The following VPS11 variants were observed in gnomAD, a reference collection of about 807,000 sequenced individuals.
VPS11 encodes VPS11 core subunit of CORVET and HOPS complexes.
Under a neutral mutation model 106.8 loss-of-function variants are expected in VPS11, and 51 were observed. That is an observed-to-expected ratio of 0.48 (90% CI 0.38 to 0.60). The LOEUF is 0.60. Among genes scored for constraint, VPS11 ranks in the 20% least tolerant of loss-of-function variants. The pLI, the probability that VPS11 is intolerant of heterozygous loss-of-function variation, is 0.00. For missense variants in VPS11, 950 were observed against 1,190.0 expected (o/e 0.80, Z 2.97); for synonymous variants, 453 against 458.7 (o/e 0.99, Z 0.16).
chr11:119,081,020 C>CT, intron 14 of VPS11, 72 bp from the exon 15 acceptor site: 1 of 1,422,988 alleles, frequency 7.0e-7, no homozygotes, highest in East Asian at 2.3e-5. Context: ...CTTCAGCTGC[C>CT]TTCTTTCTCA....
At chr11:119,076,725 C>T in intron 7 of VPS11, 172 bp from the exon 8 acceptor site, 1 of 753,590 alleles carries the variant, frequency 1.3e-6, no homozygotes. Flanking sequence ...GGTCCACAGT[C>T]TAGTAGCACC....
intron 9 of VPS11, 36 bp downstream of exon 9, chr11:119,077,683 G>T: frequency 6.4e-7 from 1 of 1,560,340 alleles, no homozygotes. Flanking sequence ...AAGAGACAGG[G>T]TCTCACTATG....
chr11:119,074,241 C>T (rs1407410264), intron 7 of VPS11, among the ~76,000 whole-genome samples: 1 of 151,966 alleles, frequency 6.6e-6, no homozygotes, highest in Non-Finnish European at 1.5e-5. Flanking sequence ...CGTGCCACCA[C>T]ACCTGGCTAA....
At position 119,078,324 on chromosome 11, in the gene VPS11, A is replaced by G; in HGVS notation, c.1913A>G (p.Lys638Arg). Residue 638 changes from lysine to arginine, a missense_variant, in exon 11 of 16, where the codon AAG becomes AGG. This residue lies in a region of VPS11 where 453 missense variants were observed against 514.6 expected (regional missense o/e 0.88). Transcript: ENST00000621676. ...CGACTGCAGAACTGGGCCCACGAGAAGGATCCACAGGTGAGGCCTGGCCAG... is the reference window on the plus strand; with the variant it reads ...CGACTGCAGAACTGGGCCCACGAGAGGGATCCACAGGTGAGGCCTGGCCAG... Reference protein sequence around the residue: ...ELRLQNWAHEKDPQVKEKLHA... With the variant: ...ELRLQNWAHERDPQVKEKLHA... 1 of 1,610,666 alleles carries G rather than the reference A, an allele frequency of 6.2e-7. No individual in the cohort carries two copies. The highest frequency in any genetic ancestry group is 1.1e-5 in the South Asian group (1 of 91,076).
chr11:119,070,595 G>C lies in VPS11; in HGVS notation c.636+198G>C, dbSNP rs567753375. ...TTAGACTCTGGGCTTGTAGTAAAAA[G>C]ATGTGAATTTTCTTTCTTTTTTTTT... On this transcript the variant is annotated intron_variant, in intron 4 of 15. Coordinates refer to ENST00000621676, the MANE Select transcript of VPS11 (RefSeq NM_021729.6). 1.0e-4 allele frequency: 49 copies of C among 474,006 alleles called. No individual in the cohort carries two copies. The East Asian group carries it at 1.8e-3, about 17-fold the overall frequency. The allele number at this position is 474,006 out of a possible 1,614,324, so 29.4% of individuals were successfully genotyped here.
In VPS11 at chr11:119,067,827, G is replaced by A; in HGVS notation, c.4G>A (p.Ala2Thr). ...GAGGTGGGAGCCCTGGGCCAAAATG[G>A]CGGCCTACCTGCAGTGGCGGCGCTT... The part of the protein sequence containing the change: M[A>T]AYLQWRRFVF... The change falls in exon 1 of 16, where the codon GCG becomes ACG. Residue 2 changes from alanine (A) to threonine (T), a missense_variant. Transcript: ENST00000621676. The A allele has an allele frequency of 1.3e-6, 2 of 1,541,920 alleles. No individual in the cohort carries two copies. Among genetic ancestry groups the A allele is most frequent in the Non-Finnish European group, 1.8e-6 (2 of 1,140,166 alleles).
intron 3 of VPS11, 65 bp downstream of exon 3, chr11:119,069,642 C>G: frequency 6.2e-7 from 1 of 1,606,702 alleles, no homozygotes. Flanking sequence ...TTGCTTCTGC[C>G]TCTCATCTTT....
rs1945646227 is a variant in VPS11, at chr11:119,077,002, G to A, written c.1344G>A (p.Leu448=). 1.2e-6 allele frequency: 2 copies of A among 1,613,888 alleles called. No individual in the cohort carries two copies. Among genetic ancestry groups the A allele is most frequent in the Non-Finnish European group, 1.7e-6 (2 of 1,179,862 alleles). ...TGCAGACCCTGCACCGACAATCCCT[G>A]GCCAATGCCGACCATACCACCCTGC... ...AYLQTLHRQS[L]ANADHTTLLL... is the part of the protein sequence containing the mutation. Residue 448 remains leucine, a synonymous_variant, in exon 8 of 16, where the codon CTG becomes CTA. Transcript: ENST00000621676.
rs782071691 is a variant in VPS11 at position 119,071,808 on chromosome 11, T to A, written c.849T>A (p.Leu283=). 3 of 1,613,826 alleles carry A rather than the reference T, an allele frequency of 1.9e-6. No individual in the cohort carries two copies. Among genetic ancestry groups the A allele is most frequent in the East Asian group, 2.2e-5 (1 of 44,872 alleles). The part of the protein sequence containing the change: ...KLIAHWFRGY[L]IIVSRDRKVS... ...TTGCCCACTGGTTTAGAGGCTACCT[T>A]ATCATTGTCTCCCGTGACCGGAAGG... The change falls in exon 5 of 16, where the codon CTT becomes CTA. Residue 283 remains leucine (L), a synonymous_variant. Coordinates refer to ENST00000621676, the MANE Select transcript of VPS11 (RefSeq NM_021729.6).
intron 1 of VPS11, 132 bp from the exon 2 acceptor site, chr11:119,069,062 ACT>A (rs1945262509): frequency 1.1e-6 from 1 of 934,440 alleles, no homozygotes; most frequent in Admixed American, 3.0e-5. Context: ...GCCTGGCCTC[ACT>A]CTTTTTAAGA....
In VPS11 at chr11:119,077,493, C is replaced by T; in HGVS notation, c.1426-8C>T. 1 of 1,612,642 alleles carries T rather than the reference C, an allele frequency of 6.2e-7. No homozygotes were observed. The highest frequency in any genetic ancestry group is 1.3e-5 in the African/African-American group (1 of 74,996). ...TGTAAATGATTTTGTCTCATGTCTC[C>T]CTGGCAGAAAAAGAGTGAGAGTGAA... is the stretch of plus-strand genomic sequence containing the variant. On this transcript the variant is annotated splice_region_variant and splice_polypyrimidine_tract_variant and intron_variant, in intron 8 of 15. Coordinates refer to ENST00000621676, the MANE Select transcript of VPS11 (RefSeq NM_021729.6).
rs1945208004 is a variant in VPS11, at chr11:119,068,443, C to CTTTTTTTTTTTTTTTTTTTTTTTTTTTTT, written c.187+433_187+434insTTTTTTTTTTTTTTTTTTTTTTTTTTTTT. ...CTGCTACTAAATTCTGGCCTTTTTA[C>CTTTTTTTTTTTTTTTTTTTTTTTTTTTTT]CTTTTTTTTTTTTTTTTTTTTTTTG... On this transcript the variant is annotated intron_variant, in intron 1 of 15. Coordinates refer to ENST00000621676, the MANE Select transcript of VPS11 (RefSeq NM_021729.6). 5.6e-5 allele frequency among the ~76,000 whole-genome samples: 2 copies of CTTTTTTTTTTTTTTTTTTTTTTTTTTTTT among 35,796 alleles called. 1 individual carries two copies. The allele number at this position is 35,796 out of a possible 152,430, so 23.5% of individuals were successfully genotyped here.
chr11:119,069,006 C>CCG (rs1555201686), intron 1 of VPS11, among the ~76,000 whole-genome samples, 190 bp from the exon 2 acceptor site: 1 of 65,824 alleles, frequency 1.5e-5, no homozygotes, highest in Admixed American at 1.2e-4. Flanking sequence ...ACCCCCCCCC[C>CCG]CCCCCGGCCT....
Position 119,068,746 on chromosome 11 carries a change from C to T in VPS11, c.188-450C>T, listed in dbSNP as rs112952114. 5.9e-3 allele frequency among the ~76,000 whole-genome samples: 862 copies of T among 145,726 alleles called. 9 individuals are homozygous for T. Among genetic ancestry groups the T allele is most frequent in the African/African-American group, 0.02 (787 of 39,412 alleles). On this transcript the variant is annotated intron_variant, in intron 1 of 15. Transcript: ENST00000621676. Reference sequence around the variant, plus strand: ...CAGGAGTGAGCCATCGCGCCCGGCGCACTAAATTTTTTTCTTTTTTTTGAG... The same window carrying T: ...CAGGAGTGAGCCATCGCGCCCGGCGTACTAAATTTTTTTCTTTTTTTTGAG...
At position 119,078,621 on chromosome 11, in the gene VPS11, C is replaced by T. The variant is rs1177562; in HGVS notation, c.1980C>T (p.Cys660=). ...AISLLKSGRF[C]DVFDKALVLC... ...CCCTGCTGAAGAGTGGTCGCTTCTG[C>T]GACGTCTTTGACAAGGCCCTGGTCC... is the stretch of plus-strand genomic sequence containing the variant. Residue 660 remains cysteine, a synonymous_variant, in exon 12 of 16, where the codon TGC becomes TGT. Coordinates refer to ENST00000621676, the MANE Select transcript of VPS11 (RefSeq NM_021729.6). 632,544 of 1,613,264 alleles carry T rather than the reference C, an allele frequency of 0.39. 126,531 individuals carry two copies. The highest frequency in any genetic ancestry group is 0.44 in the Middle Eastern group (2,639 of 6,062).
At chr11:119,078,397 G>T in intron 11 of VPS11, 63 bp downstream of exon 11, 1 of 1,589,220 alleles carries the variant, frequency 6.3e-7, no homozygotes, top group South Asian at 1.1e-5. Flanking sequence ...CTTCCGTCTT[G>T]GTGGCTGCCT....
chr11:119,079,213 A>G lies in VPS11; in HGVS notation c.2351A>G (p.Gln784Arg). 1.2e-6 allele frequency: 2 copies of G among 1,613,132 alleles called. No homozygotes were observed. The highest frequency in any genetic ancestry group is 8.5e-7 in the Non-Finnish European group (1 of 1,179,512). ...GTCCAAAAACTACAGAAACAGAGCC[A>G]GCAGATTGCACAGGATGAGCTGCGG... ...YLVQKLQKQS[Q>R]QIAQDELRVR... The change falls in exon 14 of 16, where the codon CAG becomes CGG. Residue 784 changes from glutamine (Q) to arginine (R), a missense_variant. Gln to Arg is a conservative substitution (Grantham distance 43). This residue lies in a region of VPS11 where 453 missense variants were observed against 514.6 expected (regional missense o/e 0.88). Transcript: ENST00000621676.
rs1355248450 is a variant in VPS11 at position 119,079,251 on chromosome 11, C to T, written c.2389C>T (p.Arg797Ter). ...GGATGAGCTGCGGGTGCGGCGGTAC[C>T]GAGAGGAGACCACCCGTATCCGCCA... ...AQDELRVRRY[R>*]EETTRIRQEI... The change falls in exon 14 of 16, where the codon CGA becomes TGA. Residue 797 changes from arginine (R) to a stop codon, truncating the protein, a stop_gained. Transcript: ENST00000621676. LOFTEE classifies it high-confidence loss of function. 3 of 1,606,710 alleles carry T rather than the reference C, an allele frequency of 1.9e-6. No individual in the cohort carries two copies. The highest frequency in any genetic ancestry group is 1.7e-6 in the Non-Finnish European group (2 of 1,176,680).
chr11:119,076,210 C>T (rs1255980330), intron 7 of VPS11, among the ~76,000 whole-genome samples: 2 of 145,052 alleles, frequency 1.4e-5, no homozygotes, highest in Non-Finnish European at 3.0e-5. Flanking sequence ...GGCGAAATAG[C>T]GAAACTTCGT....
Sources: allele counts gnomAD v4.1 joint callset (sites outside exome capture counted in the v4.1 genomes callset), GRCh38; gene constraint gnomAD v4.1.1; regional missense constraint gnomAD v4.1.1; transcripts MANE v1.5; gene names NCBI Gene and HGNC (gene_info 2026-07-23, HGNC 2026-07-21).